Variants in ZFAND4 observed in about 807,000 individuals in gnomAD.
ZFAND4 encodes AN1-type zinc finger protein 4.
Under a neutral mutation model 64.4 loss-of-function variants are expected in ZFAND4, and 43 were observed. The observed-to-expected ratio is 0.67, with a 90% CI of 0.52 to 0.86. ZFAND4 has a LOEUF of 0.86. ZFAND4 is among the 40% of genes least tolerant of loss of function. The probability of loss-of-function intolerance (pLI) is 0.00; values close to 1 mark genes in which losing one functional copy is unlikely to be tolerated. For missense variants in ZFAND4, 929 were observed against 859.8 expected (o/e 1.08, Z -1.01); for synonymous variants, 296 against 305.7 (o/e 0.97, Z 0.33).
At chr10:45,640,346 T>C (rs1383941896) in intron 5 of ZFAND4, 50 of 1,274,852 alleles carry the variant, frequency 3.9e-5, no homozygotes, top group Non-Finnish European at 5.0e-5. Flanking sequence ...CTGATGAGAT[T>C]TCCATGAATC....
intron 1 of ZFAND4, among the ~76,000 whole-genome samples, chr10:45,668,448 T>TG (rs2048974117): frequency 6.6e-6 from 1 of 152,214 alleles, no homozygotes. Context: ...GTAAAGACCA[T>TG]TGATGCTGTG....
chr10:45,618,474 T>C (rs1257793743), intron 8 of ZFAND4, among the ~76,000 whole-genome samples: 2 of 152,234 alleles, frequency 1.3e-5, no homozygotes, highest in Non-Finnish European at 2.9e-5. Flanking sequence ...TTCTACTGAT[T>C]AGCACTTATA....
At chr10:45,636,462 C>T (rs911965624) in intron 6 of ZFAND4, among the ~76,000 whole-genome samples, 1 of 151,912 alleles carries the variant, frequency 6.6e-6, no homozygotes, top group African/African-American at 2.4e-5. Context: ...ATGGTGAAAC[C>T]CCGTCTCTAC....
Position 45,662,590 on chromosome 10 carries a change from A to G in ZFAND4, c.184+952T>C, listed in dbSNP as rs944137334. The G allele has an allele frequency of 1.1e-5, 11 of 985,302 alleles. No individual in the cohort carries two copies. In the Admixed American group the frequency reaches 3.1e-4, roughly 28 times the overall value. The allele number at this position is 985,302 out of a possible 1,614,324, so 61.0% of individuals were successfully genotyped here. ...GACTCTAGATCTCACCAAATCATTT[A>G]GGGCAGACAAAAGCTTCAAGAGTCA... On this transcript the variant is annotated intron_variant, in intron 2 of 9. Coordinates refer to ENST00000344646, the MANE Select transcript of ZFAND4 (RefSeq NM_174890.4).
intron 6 of ZFAND4, among the ~76,000 whole-genome samples, chr10:45,635,213 ACAAAAAAAAAACAAAC>A (rs2046494051): frequency 7.1e-6 from 1 of 141,544 alleles, no homozygotes. Flanking sequence ...AAAAAAAAAA[ACAAAAAAAAAACAAAC>A]AAAAAAAAAC....
chr10:45,667,880 T>A (rs1050129207), intron 1 of ZFAND4, among the ~76,000 whole-genome samples: 1 of 152,200 alleles, frequency 6.6e-6, no homozygotes, highest in Non-Finnish European at 1.5e-5. Flanking sequence ...AGGAAACCAT[T>A]GAGTCTTTAG....
At chr10:45,621,266 T>C (rs896594814) in intron 8 of ZFAND4, among the ~76,000 whole-genome samples, 2 of 152,064 alleles carry the variant, frequency 1.3e-5, no homozygotes, top group African/African-American at 4.8e-5. Flanking sequence ...TCAAAATGTA[T>C]ATAGACTCTT....
intron 2 of ZFAND4, 152 bp downstream of exon 2, chr10:45,663,390 T>C (rs1052738072): frequency 5.1e-6 from 3 of 585,386 alleles, no homozygotes; most frequent in African/African-American, 1.9e-5. Context: ...AGCTGATAAA[T>C]GTTGGAGAGA....
intron 5 of ZFAND4, 28 bp downstream of exon 5, chr10:45,648,266 A>T: frequency 6.5e-7 from 1 of 1,543,208 alleles, no homozygotes; most frequent in South Asian, 1.2e-5. Flanking sequence ...TTTTGACAAC[A>T]CAAGGTAAAC....
intron 1 of ZFAND4, among the ~76,000 whole-genome samples, 194 bp from the exon 2 acceptor site, chr10:45,664,036 TAAG>T (rs1025824590): frequency 5.3e-4 from 80 of 152,272 alleles, no homozygotes; most frequent in African/African-American, 1.7e-3. Flanking sequence ...ATAAGATTAT[TAAG>T]AATACGCATA....
chr10:45,642,910 CTTTTTTTTTTTT>C (rs749998698), intron 5 of ZFAND4, among the ~76,000 whole-genome samples: 1 of 83,832 alleles, frequency 1.2e-5, no homozygotes, highest in African/African-American at 5.1e-5. Context: ...TTCTCCAAAT[CTTTTTTTTTTTT>C]TTTTTTTTTT....
At chr10:45,659,452 A>G (rs763404184) in intron 2 of ZFAND4, among the ~76,000 whole-genome samples, 11 of 152,340 alleles carry the variant, frequency 7.2e-5, no homozygotes, top group Non-Finnish European at 1.5e-4. Flanking sequence ...TCTGGCACTT[A>G]TAACTACAGC....
At chr10:45,649,039 C>T (rs929131964) in intron 4 of ZFAND4, 7 of 681,120 alleles carry the variant, frequency 1.0e-5, no homozygotes, top group South Asian at 6.6e-5. Context: ...GAGGCCGAGG[C>T]GGGCAGATCA....
intron 8 of ZFAND4, among the ~76,000 whole-genome samples, chr10:45,620,252 G>A (rs2045321170): frequency 6.6e-6 from 1 of 152,150 alleles, no homozygotes; most frequent in Admixed American, 6.5e-5. Context: ...GGGAGGCCAA[G>A]GTGGGCGAAT....
intron 1 of ZFAND4, among the ~76,000 whole-genome samples, chr10:45,671,215 CT>C (rs1227518529): frequency 8.5e-5 from 13 of 152,318 alleles, no homozygotes; most frequent in African/African-American, 3.1e-4. Flanking sequence ...AATAGGAACA[CT>C]TTTACACTGT....
At chr10:45,617,681 GAC>G (rs1321723956) in intron 9 of ZFAND4, 1 of 149,236 alleles carries the variant, frequency 6.7e-6, no homozygotes, top group African/African-American at 2.5e-5. Context: ...AAGATAATAT[GAC>G]ATAACATCCT....
intron 4 of ZFAND4, among the ~76,000 whole-genome samples, chr10:45,649,228 C>T (rs532259469): frequency 6.6e-6 from 1 of 151,180 alleles, no homozygotes; most frequent in African/African-American, 2.4e-5. Context: ...AGTAAGCAGA[C>T]CTATCTTTTT....
intron 6 of ZFAND4, among the ~76,000 whole-genome samples, chr10:45,635,195 C>CAAAAAAAAAAAAAAAAAAAAAAAAAAAAA (rs1173808756): frequency 4.7e-4 from 13 of 27,636 alleles, no homozygotes; most frequent in African/African-American, 5.1e-4. Flanking sequence ...GCCATCTAAG[C>CAAAAAAAAAAAAAAAAAAAAAAAAAAAAA]AAAAAAAAAA....
chr10:45,640,268 AT>A (rs1307054249), intron 5 of ZFAND4: 2 of 1,230,346 alleles, frequency 1.6e-6, no homozygotes, highest in African/African-American at 3.2e-5. Flanking sequence ...GGCAAAATCC[AT>A]TTCCATGAGA....
Sources: allele counts gnomAD v4.1 joint callset (sites outside exome capture counted in the v4.1 genomes callset), GRCh38; gene constraint gnomAD v4.1.1; transcripts MANE v1.5; gene names NCBI Gene and HGNC (gene_info 2026-07-23, HGNC 2026-07-21).